GLCE: variants seen among roughly 807,000 people sequenced by gnomAD.
The protein encoded by GLCE is D-glucuronyl C5-epimerase.
GLCE carries 19 observed loss-of-function variants against 47.9 expected under a neutral mutation model. The ratio of observed to expected loss-of-function variants is 0.40; its 90% CI spans 0.28 to 0.58. The LOEUF (loss-of-function observed/expected upper bound fraction) is 0.58. Among genes scored for constraint, GLCE ranks in the 20% least tolerant of loss-of-function variants. GLCE has a pLI of 0.48. For missense variants in GLCE, 556 were observed against 743.3 expected, an observed-to-expected ratio of 0.75 and a Z score of 2.93; for synonymous variants, 245 against 263.4, an observed-to-expected ratio of 0.93 and a Z score of 0.68.
chr15:69,229,849 TA>T (rs34602745), intron 2 of GLCE, among the ~76,000 whole-genome samples: 5,089 of 151,832 alleles, frequency 0.034, 281 homozygotes, highest in African/African-American at 0.12. Flanking sequence ...TAATTTGATT[TA>T]AAAAAAAATT....
chr15:69,188,680 A>G (rs1322721599), intron 1 of GLCE, among the ~76,000 whole-genome samples: 2 of 152,034 alleles, frequency 1.3e-5, no homozygotes, highest in African/African-American at 4.8e-5. Flanking sequence ...TAAGTTGTTA[A>G]ATCTATTGAC....
In GLCE at chr15:69,256,022, G is replaced by A. The variant is rs1263323660; in HGVS notation, c.216G>A (p.Gln72=). 11 of 1,614,060 alleles carry A rather than the reference G, an allele frequency of 6.8e-6. No homozygotes were observed. Among genetic ancestry groups the A allele is most frequent in the Non-Finnish European group, 9.3e-6 (11 of 1,179,946 alleles). The change falls in exon 3 of 5, where the codon CAG becomes CAA. Residue 72 remains glutamine, a synonymous_variant. Transcript: ENST00000261858. ...NNYMNHVAKQ[Q]SEEAFPQEQQ... is the part of the protein sequence containing the mutation. ...ATATGAACCACGTGGCCAAACAACA[G>A]TCTGAGGAAGCATTCCCTCAGGAAC...
At chr15:69,169,824 T>C (rs767870673) in intron 1 of GLCE, among the ~76,000 whole-genome samples, 1 of 152,152 alleles carries the variant, frequency 6.6e-6, no homozygotes, top group Admixed American at 6.5e-5. Context: ...TCCAAGTCTT[T>C]GCTATTGTGA....
At chr15:69,260,252 G>GTTTTTTT (rs34911776) in intron 3 of GLCE, among the ~76,000 whole-genome samples, 4 of 79,220 alleles carry the variant, frequency 5.0e-5, no homozygotes, top group African/African-American at 8.6e-5. Flanking sequence ...GTCACAACTG[G>GTTTTTTT]TTTTTTTTTT....
chr15:69,220,851 C>G (rs972837029), intron 2 of GLCE, among the ~76,000 whole-genome samples: 1 of 152,136 alleles, frequency 6.6e-6, no homozygotes, highest in African/African-American at 2.4e-5. Flanking sequence ...GAAATCATTA[C>G]TAAATCCAAT....
chr15:69,262,719 T>C (rs2053031688), intron 4 of GLCE, among the ~76,000 whole-genome samples: 1 of 152,138 alleles, frequency 6.6e-6, no homozygotes, highest in Non-Finnish European at 1.5e-5. Context: ...ATAAAACTAC[T>C]TCCTAAGATG....
At chr15:69,245,054 G>A (rs1254421866) in intron 2 of GLCE, among the ~76,000 whole-genome samples, 3 of 152,054 alleles carry the variant, frequency 2.0e-5, no homozygotes, top group Admixed American at 6.6e-5. Flanking sequence ...ATACCTGGCC[G>A]GGTGCAGTGA....
At chr15:69,209,409 A>G (rs1159748605) in intron 1 of GLCE, among the ~76,000 whole-genome samples, 1 of 151,188 alleles carries the variant, frequency 6.6e-6, no homozygotes, top group South Asian at 2.1e-4. Context: ...TATTTGTTTT[A>G]GTAGACAGTC....
chr15:69,206,966 TGTTAA>T (rs1174959339), intron 1 of GLCE, among the ~76,000 whole-genome samples: 1 of 152,082 alleles, frequency 6.6e-6, no homozygotes, highest in African/African-American at 2.4e-5. Context: ...ATATATTATA[TGTTAA>T]GTTCATACTG....
At chr15:69,266,813 G>A (rs2053093798) in intron 4 of GLCE, 4 of 450,214 alleles carry the variant, frequency 8.9e-6, no homozygotes, top group Non-Finnish European at 8.9e-6. Flanking sequence ...TCTAGTCCCT[G>A]CTCTACAACT....
chr15:69,257,424 G>A (rs1034675032), intron 3 of GLCE, among the ~76,000 whole-genome samples: 3 of 151,968 alleles, frequency 2.0e-5, no homozygotes, highest in Non-Finnish European at 4.4e-5. Context: ...CTGCAGTCTC[G>A]ATCTCCCAGG....
intron 1 of GLCE, among the ~76,000 whole-genome samples, chr15:69,183,568 A>G (rs2051780516): frequency 6.6e-6 from 1 of 152,240 alleles, no homozygotes; most frequent in African/African-American, 2.4e-5. Flanking sequence ...GTTCGACAAT[A>G]TATAGTCAAT....
chr15:69,182,296 TGTGA>T (rs999999477), intron 1 of GLCE, among the ~76,000 whole-genome samples: 2 of 150,572 alleles, frequency 1.3e-5, no homozygotes, highest in African/African-American at 4.9e-5. Flanking sequence ...TGTGTGTGTG[TGTGA>T]GAGAGAGAGA....
At chr15:69,242,632 C>T (rs1285087552) in intron 2 of GLCE, among the ~76,000 whole-genome samples, 1 of 152,096 alleles carries the variant, frequency 6.6e-6, no homozygotes, top group Non-Finnish European at 1.5e-5. Context: ...AAACAACTTT[C>T]CTTCTACTAG....
intron 2 of GLCE, among the ~76,000 whole-genome samples, chr15:69,253,189 C>T (rs1484547616): frequency 6.6e-6 from 1 of 152,202 alleles, no homozygotes; most frequent in Non-Finnish European, 1.5e-5. Context: ...GCAAGAATCC[C>T]AGGCAAACAC....
chr15:69,234,126 C>T (rs1190003644), intron 2 of GLCE, among the ~76,000 whole-genome samples: 3 of 151,868 alleles, frequency 2.0e-5, no homozygotes, highest in African/African-American at 7.3e-5. Context: ...TACAGGCACA[C>T]GCCACTACAC....
chr15:69,229,270 G>T (rs2052488566), intron 2 of GLCE, among the ~76,000 whole-genome samples: 1 of 152,214 alleles, frequency 6.6e-6, no homozygotes, highest in Non-Finnish European at 1.5e-5. Context: ...GAGCTAAAAT[G>T]AGTATGGCCA....
chr15:69,223,094 A>G (rs1240475012), intron 2 of GLCE, among the ~76,000 whole-genome samples: 2 of 152,218 alleles, frequency 1.3e-5, no homozygotes, highest in Non-Finnish European at 2.9e-5. Context: ...GTTGTATAGA[A>G]AACAAAAAGT....
chr15:69,209,124 T>G (rs913705130), intron 1 of GLCE, among the ~76,000 whole-genome samples: 47 of 152,066 alleles, frequency 3.1e-4, no homozygotes, highest in Non-Finnish European at 6.3e-4. Context: ...TCCATTTGGT[T>G]CTTCTTTTAT....
Sources: allele counts gnomAD v4.1 joint callset (sites outside exome capture counted in the v4.1 genomes callset), GRCh38; gene constraint gnomAD v4.1.1; transcripts MANE v1.5; gene names NCBI Gene and HGNC (gene_info 2026-07-23, HGNC 2026-07-21).